The following ATP2B2 variants were observed in gnomAD, a reference collection of about 807,000 sequenced individuals.
ATP2B2 encodes ATPase plasma membrane Ca2+ transporting 2.
A neutral mutation model predicts 120.0 loss-of-function variants in ATP2B2; 15 were observed. That is an observed-to-expected ratio of 0.12 (90% CI 0.08 to 0.19). The LOEUF is 0.19. ATP2B2 is among the 10% of genes least tolerant of loss of function. The pLI is 1.00. For missense variants in ATP2B2, 1,045 were observed against 1,719.8 expected (o/e 0.61, Z 6.94); for synonymous variants, 694 against 700.3 (o/e 0.99, Z 0.14).
At chr3:10,650,976 T>A (rs1227212343) in intron 1 of ATP2B2, among the ~76,000 whole-genome samples, 9 of 152,338 alleles carry the variant, frequency 5.9e-5, no homozygotes, top group African/African-American at 1.9e-4. Flanking sequence ...GATTTTGGAC[T>A]TGAGTGGGGC....
chr3:10,436,754 C>T lies in ATP2B2; in HGVS notation c.199+12591G>A, dbSNP rs997812936. Reference sequence around the variant, plus strand: ...GTCAGCTTCTGTTGTTTACGACCGACGTGCCTTAGTGGAGCGACATCGGCA... The same window carrying T: ...GTCAGCTTCTGTTGTTTACGACCGATGTGCCTTAGTGGAGCGACATCGGCA... On this transcript the variant is annotated intron_variant, in intron 2 of 22. Transcript: ENST00000360273. 5.9e-5 allele frequency among the ~76,000 whole-genome samples: 9 copies of T among 152,290 alleles called. No individual in the cohort carries two copies. The East Asian group carries it at 7.7e-4, about 13-fold the overall frequency.
intron 1 of ATP2B2, among the ~76,000 whole-genome samples, chr3:10,503,106 G>A (rs1031238906): frequency 2.6e-5 from 4 of 152,264 alleles, no homozygotes; most frequent in African/African-American, 4.8e-5. Context: ...CTGGGGGAAC[G>A]CAGAGGAGGG....
chr3:10,424,740 T>C (rs756995252), intron 2 of ATP2B2, among the ~76,000 whole-genome samples: 4 of 152,230 alleles, frequency 2.6e-5, no homozygotes, highest in Non-Finnish European at 5.9e-5. Flanking sequence ...TTATATGTAC[T>C]AACATAGAAG....
At chr3:10,366,629 T>G (rs2061066598) in intron 12 of ATP2B2, among the ~76,000 whole-genome samples, 1 of 152,226 alleles carries the variant, frequency 6.6e-6, no homozygotes, top group South Asian at 2.1e-4. Context: ...GTAGAAAATG[T>G]AAGTCCGCTC....
intron 1 of ATP2B2, among the ~76,000 whole-genome samples, chr3:10,465,722 G>A (rs2064707503): frequency 6.6e-6 from 1 of 152,180 alleles, no homozygotes; most frequent in African/African-American, 2.4e-5. Flanking sequence ...CACTACTTCT[G>A]ACTCCTTGTT....
chr3:10,402,150 T>C lies in ATP2B2; in HGVS notation c.596A>G (p.Gln199Arg). Reference protein sequence around the residue: ...EQKFTVVRAGQVVQIPVAEIV... With the variant: ...EQKFTVVRAGRVVQIPVAEIV... Reference sequence around the variant, plus strand: ...CTCAGCCACAGGGATCTGGACCACCTGGCCAGCCCGGACCACGGTAAATTT... The same window carrying C: ...CTCAGCCACAGGGATCTGGACCACCCGGCCAGCCCGGACCACGGTAAATTT... The change falls in exon 4 of 23, where the codon CAG (glutamine) becomes CGG (arginine). Residue 199 changes from glutamine (Q) to arginine (R), a missense_variant. Gln to Arg is a conservative substitution (Grantham distance 43). This residue lies in a region of ATP2B2 where 35 missense variants were observed against 29.9 expected (regional missense o/e 1.17). Transcript: ENST00000360273. The surrounding 1 kb of genome is among the most constrained non-coding windows in gnomAD (Gnocchi z 4.9). The C allele has an allele frequency of 6.2e-7, 1 of 1,614,214 alleles. No individual in the cohort carries two copies. Among genetic ancestry groups the C allele is most frequent in the African/African-American group, 1.3e-5 (1 of 75,054 alleles).
chr3:10,424,855 T>C (rs1163265427), intron 2 of ATP2B2, among the ~76,000 whole-genome samples: 1 of 152,214 alleles, frequency 6.6e-6, no homozygotes. Flanking sequence ...CAATAGTCTA[T>C]TTTTTATGAC....
intron 1 of ATP2B2, among the ~76,000 whole-genome samples, chr3:10,459,640 C>T (rs887311134): frequency 6.6e-6 from 1 of 152,270 alleles, no homozygotes; most frequent in African/African-American, 2.4e-5. Context: ...TCATCCCCCT[C>T]ATTCTCTCCC....
At chr3:10,529,509 T>C (rs1394002549) in intron 3 of ATP2B2, among the ~76,000 whole-genome samples, 2 of 152,238 alleles carry the variant, frequency 1.3e-5, no homozygotes, top group Non-Finnish European at 2.9e-5. Flanking sequence ...GGGCATCTCC[T>C]GGAAGCTAAG....
chr3:10,554,390 T>C (rs2067735089), intron 2 of ATP2B2, among the ~76,000 whole-genome samples: 1 of 152,044 alleles, frequency 6.6e-6, no homozygotes, highest in Admixed American at 6.6e-5. Flanking sequence ...AGGGTGCAGA[T>C]GGAGTGAAGG....
chr3:10,425,635 T>G lies in ATP2B2; in HGVS notation c.200-14820A>C, dbSNP rs534964352. Among the ~76,000 whole-genome samples, 8 of 152,262 alleles carry G rather than the reference T, an allele frequency of 5.3e-5. No homozygotes were observed. The South Asian group carries it at 8.3e-4, about 16-fold the overall frequency. ...ATGTGTACCCCCATCATCTCTTCTT[T>G]TCCTCCATGTACTGTCTCTGTCTTC... On this transcript the variant is annotated intron_variant, in intron 2 of 22. Coordinates refer to ENST00000360273, the MANE Select transcript of ATP2B2 (RefSeq NM_001001331.4).
At position 10,402,497 on chromosome 3, in the gene ATP2B2, C is replaced by T; in HGVS notation, c.398-149G>A. On this transcript the variant is annotated intron_variant, in intron 3 of 22. Transcript: ENST00000360273. The surrounding 1 kb of genome is among the most constrained non-coding windows in gnomAD (Gnocchi z 4.9). ...TTACTCAGTGTGTCTGGGTACCAAG[C>T]CCTGTGGAAAGTGCTTCACGCAGAT... The T allele has an allele frequency of 1.6e-6, 2 of 1,243,204 alleles. No homozygotes were observed. Among genetic ancestry groups the T allele is most frequent in the Admixed American group, 3.7e-5 (2 of 54,006 alleles). The allele number at this position is 1,243,204 out of a possible 1,614,324, so 77.0% of individuals were successfully genotyped here.
In ATP2B2 at chr3:10,346,002, AC is replaced by A; in HGVS notation, c.2511+28del. ...TAGTCCAATCTCCCCAGCCCCCACC[AC>A]CCCAGGCCCTCTGTGGGCCGTTCCT... On this transcript the variant is annotated intron_variant, in intron 17 of 22. Transcript: ENST00000360273. The surrounding 1 kb of genome is among the most constrained non-coding windows in gnomAD (Gnocchi z 4.1). The A allele has an allele frequency of 1.3e-6, 2 of 1,593,590 alleles. No individual in the cohort carries two copies. The highest frequency in any genetic ancestry group is 1.7e-5 in the Admixed American group (1 of 58,194).
intron 1 of ATP2B2, among the ~76,000 whole-genome samples, chr3:10,473,313 G>C (rs1394013207): frequency 1.3e-5 from 2 of 152,210 alleles, no homozygotes; most frequent in Non-Finnish European, 2.9e-5. Context: ...ACTTGCTTCT[G>C]TTAGGGAAGA....
At chr3:10,577,442 T>C (rs2068279509) in intron 2 of ATP2B2, among the ~76,000 whole-genome samples, 1 of 152,050 alleles carries the variant, frequency 6.6e-6, no homozygotes, top group Non-Finnish European at 1.5e-5. Context: ...ATCTCAGACT[T>C]TTGGTGTCCT....
At chr3:10,678,625 T>G (rs1192769177) in intron 1 of ATP2B2, among the ~76,000 whole-genome samples, 1 of 152,212 alleles carries the variant, frequency 6.6e-6, no homozygotes, top group Non-Finnish European at 1.5e-5. Context: ...TAAGAGCTCC[T>G]GGAAGCAGGG....
chr3:10,415,784 C>T lies in ATP2B2; in HGVS notation c.200-4969G>A, dbSNP rs375908252. Reference sequence around the variant, plus strand: ...ATTAATACAGTGTGTCAAAGATTACCGGACAAAGGCAGCGAGGCCCTGAAA... The same window carrying T: ...ATTAATACAGTGTGTCAAAGATTACTGGACAAAGGCAGCGAGGCCCTGAAA... On this transcript the variant is annotated intron_variant, in intron 2 of 22. Transcript: ENST00000360273. 3.2e-4 allele frequency among the ~76,000 whole-genome samples: 49 copies of T among 152,330 alleles called. 3 individuals carry two copies. The highest frequency in any genetic ancestry group is 1.9e-3 in the East Asian group (10 of 5,194).
intron 1 of ATP2B2, among the ~76,000 whole-genome samples, chr3:10,476,693 T>A (rs555704404): frequency 6.0e-4 from 92 of 152,384 alleles, no homozygotes; most frequent in African/African-American, 1.9e-3. Flanking sequence ...AACGCAAAGC[T>A]AATTATTCCA....
chr3:10,463,518 C>T (rs984604567), intron 1 of ATP2B2, among the ~76,000 whole-genome samples: 2 of 152,230 alleles, frequency 1.3e-5, no homozygotes, highest in African/African-American at 2.4e-5. Flanking sequence ...GAAGGAGCTT[C>T]TATTGGTATC....
Sources: gnomAD v4.1 joint callset for allele counts (sites outside exome capture counted in the v4.1 genomes callset) on GRCh38, gnomAD v4.1.1 for gene constraint, gnomAD v4.1.1 regional missense constraint, Gnocchi (gnomAD v3.1) non-coding constraint, MANE v1.5 for transcripts, NCBI Gene and HGNC (gene_info 2026-07-23, HGNC 2026-07-21) for gene names.